The following RIN2 variants were observed in gnomAD, a reference collection of about 807,000 sequenced individuals.
The protein encoded by RIN2 is RAB5 interacting protein 2.
In RIN2, 36 loss-of-function variants were observed where a neutral mutation model predicts 78.0. The ratio of observed to expected loss-of-function variants is 0.46; its 90% confidence interval spans 0.35 to 0.61. The LOEUF is 0.61. Among genes scored for constraint, RIN2 ranks in the 20% least tolerant of loss-of-function variants. RIN2 has a pLI of 0.00. For synonymous variants in RIN2, 466 were observed against 466.8 expected (o/e 1.00, Z 0.02); for missense variants, 1,087 against 1,159.7 (o/e 0.94, Z 0.91).
intron 1 of RIN2, among the ~76,000 whole-genome samples, chr20:19,791,996 GC>G (rs2034901177): frequency 6.6e-6 from 1 of 152,176 alleles, no homozygotes; most frequent in Non-Finnish European, 1.5e-5. Context: ...CCCCCATCCA[GC>G]TTTTTCTCAG....
At chr20:19,931,513 T>C (rs1334378941) in intron 3 of RIN2, among the ~76,000 whole-genome samples, 1 of 152,212 alleles carries the variant, frequency 6.6e-6, no homozygotes, top group African/African-American at 2.4e-5. Flanking sequence ...AAACATTATA[T>C]GGATACATTT....
chr20:19,847,482 T>C (rs947355710), intron 2 of RIN2, among the ~76,000 whole-genome samples: 2 of 152,162 alleles, frequency 1.3e-5, no homozygotes, highest in African/African-American at 2.4e-5. Flanking sequence ...GGCAGTGGGC[T>C]CAACAAGAGG....
chr20:19,978,037 CCTAA>C (rs1024906945), intron 9 of RIN2, among the ~76,000 whole-genome samples: 4 of 151,952 alleles, frequency 2.6e-5, no homozygotes, highest in Admixed American at 1.3e-4. Context: ...AAGATGCGAC[CCTAA>C]CTATTAGAAA....
intron 1 of RIN2, among the ~76,000 whole-genome samples, chr20:19,778,131 GC>G (rs1568743000): frequency 6.6e-6 from 1 of 152,228 alleles, no homozygotes; most frequent in African/African-American, 2.4e-5. Context: ...AGAGGGCGTT[GC>G]CCCGGGTGTT....
At chr20:19,876,076 A>C (rs1455417835) in intron 2 of RIN2, among the ~76,000 whole-genome samples, 1 of 152,238 alleles carries the variant, frequency 6.6e-6, no homozygotes, top group Non-Finnish European at 1.5e-5. Flanking sequence ...GAAAGTCTGC[A>C]CTGGAAGCTA....
rs573778950 is a variant in RIN2, at chr20:19,850,094, G to GGCCA, written c.-36-39471_-36-39470insCCAG. On this transcript the variant is annotated intron_variant, in intron 2 of 12. Transcript: ENST00000255006. ...CTCACGCCTGAGGAGCTTTTGGCCT[G>GGCCA]GACACTCTGCAAAAATGTGTCCTGA... Among the ~76,000 whole-genome samples the GGCCA allele has an allele frequency of 2.6e-4, 39 of 152,252 alleles. 1 individual carries two copies. The East Asian group carries it at 7.5e-3, about 29-fold the overall frequency.
intron 2 of RIN2, among the ~76,000 whole-genome samples, chr20:19,873,194 G>T (rs1226907591): frequency 6.6e-6 from 1 of 151,230 alleles, no homozygotes; most frequent in Non-Finnish European, 1.5e-5. Context: ...GTGCAATCTC[G>T]GCTCACTGCA....
At chr20:19,777,574 C>T (rs992319149) in intron 1 of RIN2, among the ~76,000 whole-genome samples, 26 of 152,246 alleles carry the variant, frequency 1.7e-4, no homozygotes, top group African/African-American at 5.1e-4. Flanking sequence ...CCATTTAAAA[C>T]GAATTCTTCA....
At chr20:19,851,024 AGG>A (rs2036947827) in intron 2 of RIN2, among the ~76,000 whole-genome samples, 1 of 123,634 alleles carries the variant, frequency 8.1e-6, no homozygotes, top group Non-Finnish European at 1.7e-5. Flanking sequence ...GAAGGAAGGA[AGG>A]AAGGAAGGAA....
intron 2 of RIN2, among the ~76,000 whole-genome samples, chr20:19,812,107 A>G (rs1247930090): frequency 6.6e-6 from 1 of 151,560 alleles, no homozygotes; most frequent in Non-Finnish European, 1.5e-5. Context: ...GATTTATCAC[A>G]CTTTGTTTAT....
At chr20:19,837,735 ATTCT>A (rs3058663) in intron 2 of RIN2, among the ~76,000 whole-genome samples, 95,298 of 151,056 alleles carry the variant, frequency 0.63, 31,272 homozygotes, top group East Asian at 0.82. Context: ...TTTCTCCTTG[ATTCT>A]TTCTTTTTTC....
chr20:19,774,306 A>G (rs1187758223), intron 1 of RIN2, among the ~76,000 whole-genome samples: 1 of 152,236 alleles, frequency 6.6e-6, no homozygotes, highest in African/African-American at 2.4e-5. Context: ...ATGGAGTTGC[A>G]TAAAGAACTC....
In RIN2 at chr20:19,975,818, C is replaced by G. The variant is rs780466022; in HGVS notation, c.1762+31C>G. The G allele has an allele frequency of 6.4e-7, 1 of 1,554,992 alleles. No individual in the cohort carries two copies. The highest frequency in any genetic ancestry group is 8.7e-7 in the Non-Finnish European group (1 of 1,146,264). On this transcript the variant is annotated intron_variant, in intron 9 of 12. Transcript: ENST00000255006. This position sits in a 1 kb window ranked among gnomAD's most constrained non-coding sequence, Gnocchi z 4.9. ...TACCCTCTTTTTTAAAATATAAAAT[C>G]TATTGTAACTCTGTCCGGGCAGTGC...
intron 9 of RIN2, among the ~76,000 whole-genome samples, chr20:19,984,526 C>A (rs1290835540): frequency 6.6e-6 from 1 of 152,028 alleles, no homozygotes; most frequent in Non-Finnish European, 1.5e-5. Context: ...CAGCACTTTG[C>A]GAGGCTGAGG....
upstream of RIN2, chr20:19,757,925 G>C (rs376888172): frequency 6.6e-5 from 10 of 152,474 alleles, no homozygotes; most frequent in African/African-American, 2.2e-4. Context: ...TGCAGCCTGG[G>C]TTCCTTGTAA....
In RIN2 at chr20:19,990,325, A is replaced by G. The variant is rs1234055586; in HGVS notation, c.2068+14A>G. The G allele has an allele frequency of 6.3e-7, 1 of 1,597,376 alleles. No homozygotes were observed. Among genetic ancestry groups the G allele is most frequent in the Non-Finnish European group, 8.6e-7 (1 of 1,168,476 alleles). ...AGAACAACTCAGGTGAGGCCGCTGG[A>G]AGCCCAGGCTTCGTGCCGCTTCCCT... is the stretch of plus-strand genomic sequence containing the variant. On this transcript the variant is annotated intron_variant, in intron 10 of 12. Coordinates refer to ENST00000255006, the MANE Select transcript of RIN2 (RefSeq NM_018993.4).
intron 2 of RIN2, among the ~76,000 whole-genome samples, chr20:19,844,669 C>CTTCTTCTTCCTCTTCTTCTTCTTCTTCTT (rs1232176696): frequency 1.3e-5 from 1 of 76,166 alleles, no homozygotes; most frequent in African/African-American, 6.2e-5. Context: ...TCTTCTTCTT[C>CTTCTTCTTCCTCTTCTTCTTCTTCTTCTT]CTTCTTCTTC....
intron 7 of RIN2, among the ~76,000 whole-genome samples, chr20:19,968,044 T>A (rs2041991513): frequency 6.6e-6 from 1 of 152,158 alleles, no homozygotes; most frequent in African/African-American, 2.4e-5. Flanking sequence ...ACCATACTAT[T>A]CAGCTGCTGA....
chr20:19,990,344 C>G, intron 10 of RIN2, 33 bp downstream of exon 10: 2 of 1,579,774 alleles, frequency 1.3e-6, no homozygotes, highest in Non-Finnish European at 1.7e-6. Flanking sequence ...CTTCGTGCCG[C>G]TTCCCTTCCG....
Sources: gnomAD v4.1 joint callset for allele counts (sites outside exome capture counted in the v4.1 genomes callset) on GRCh38, gnomAD v4.1.1 for gene constraint, Gnocchi (gnomAD v3.1) non-coding constraint, MANE v1.5 for transcripts, NCBI Gene and HGNC (gene_info 2026-07-23, HGNC 2026-07-21) for gene names.